Variants in FRMPD4 observed in about 807,000 individuals in gnomAD.
FRMPD4 encodes the protein FERM and PDZ domain-containing protein 4.
Under a neutral mutation model 94.1 loss-of-function variants are expected in FRMPD4, and 22 were observed. The ratio of observed to expected loss-of-function variants is 0.23; its 90% CI spans 0.17 to 0.33. The LOEUF is 0.33. Ranked by LOEUF, FRMPD4 falls within the 10% of genes least tolerant of loss-of-function variation. FRMPD4 has a pLI of 1.00. For synonymous variants in FRMPD4, 631 were observed against 548.6 expected, an observed-to-expected ratio of 1.15 and a Z score of -2.10; for missense variants, 1,111 against 1,339.9, an observed-to-expected ratio of 0.83 and a Z score of 2.67.
At chrX:11,853,203 A>G (rs1326558536) in intron 1 of FRMPD4, among the ~76,000 whole-genome samples, 1 of 112,092 alleles carries the variant, frequency 8.9e-6, no homozygotes, top group Non-Finnish European at 1.9e-5. Context: ...ACTAATGAGA[A>G]AAAAGATACA....
intron 1 of FRMPD4, among the ~76,000 whole-genome samples, chrX:12,389,695 G>T (rs900431188): frequency 9.0e-6 from 1 of 111,551 alleles, no homozygotes; most frequent in Non-Finnish European, 1.9e-5. Context: ...TGAATGTATA[G>T]AAGAGTTTAC....
intron 5 of FRMPD4, among the ~76,000 whole-genome samples, chrX:12,675,181 TA>T (rs2059885898): frequency 1.8e-5 from 2 of 112,227 alleles, no homozygotes; most frequent in Admixed American, 1.9e-4. Context: ...TAAATGACAC[TA>T]AATTCAAGAC....
chrX:12,415,381 A>G (rs2148073506), intron 1 of FRMPD4, among the ~76,000 whole-genome samples: 1 of 110,953 alleles, frequency 9.0e-6, no homozygotes, highest in African/African-American at 3.3e-5. Flanking sequence ...TCCTCCATCC[A>G]TCCTCTCCTC....
intron 2 of FRMPD4, among the ~76,000 whole-genome samples, chrX:12,540,385 A>G (rs2148307692): frequency 8.9e-6 from 1 of 111,976 alleles, no homozygotes; most frequent in South Asian, 3.8e-4. Context: ...AAATAAAGGG[A>G]TGGAGGAAGA....
At chrX:12,334,391 C>G (rs1217613852) in intron 1 of FRMPD4, among the ~76,000 whole-genome samples, 1 of 111,424 alleles carries the variant, frequency 9.0e-6, no homozygotes, top group African/African-American at 3.3e-5. Context: ...ACCTCAATAA[C>G]CTGCCTCAAT....
At chrX:12,212,633 T>C (rs1339119058) in intron 1 of FRMPD4, among the ~76,000 whole-genome samples, 1 of 111,914 alleles carries the variant, frequency 8.9e-6, no homozygotes, top group Non-Finnish European at 1.9e-5. Context: ...CAAATCTGTA[T>C]AGCTAATCTA....
rs1165797571 is a variant in FRMPD4, at chrX:12,035,870, A to G, written c.95+157852A>G. On this transcript the variant is annotated intron_variant, in intron 3 of 18. Transcript: ENST00000640291. The stretch of plus-strand genomic sequence containing the variant: ...CCTTGAAATGATAGGCACATATGAT[A>G]GCTTCTGGAAGTATGCATAGTAATT... Among the ~76,000 whole-genome samples, 10 of 112,098 alleles carry G rather than the reference A, an allele frequency of 8.9e-5. No individual in the cohort carries two copies. In the East Asian group the frequency reaches 2.2e-3, roughly 25 times the overall value.
intron 1 of FRMPD4, among the ~76,000 whole-genome samples, chrX:12,250,046 CTCTGTG>C (rs1353908278): frequency 3.9e-4 from 27 of 68,884 alleles, no homozygotes; most frequent in Non-Finnish European, 6.5e-4. Context: ...CTCTCTCTCT[CTCTGTG>C]TGTGTGTGTG....
chrX:12,386,365 T>G (rs1204741202), intron 1 of FRMPD4, among the ~76,000 whole-genome samples: 1 of 111,784 alleles, frequency 8.9e-6, no homozygotes. Flanking sequence ...CAGAGGAAAA[T>G]TTATGAGCAG....
chrX:11,840,813 A>C (rs902893548), intron 1 of FRMPD4, among the ~76,000 whole-genome samples: 3 of 107,468 alleles, frequency 2.8e-5, no homozygotes, highest in African/African-American at 1.0e-4. Flanking sequence ...ATACATATGT[A>C]TACATGTGCC....
chrX:12,387,707 T>TG (rs1251602919), intron 1 of FRMPD4, among the ~76,000 whole-genome samples: 283 of 110,251 alleles, frequency 2.6e-3, no homozygotes, highest in African/African-American at 9.0e-3. Flanking sequence ...TTTGTTTGTT[T>TG]TTTTTTTTCC....
intron 1 of FRMPD4, among the ~76,000 whole-genome samples, chrX:12,158,332 C>T (rs1162259530): frequency 8.9e-6 from 1 of 112,096 alleles, no homozygotes; most frequent in Non-Finnish European, 1.9e-5. Flanking sequence ...ACTGTAGACA[C>T]ATTGGATCTT....
At chrX:12,217,139 GA>G (rs1848629134) in intron 1 of FRMPD4, among the ~76,000 whole-genome samples, 1 of 111,931 alleles carries the variant, frequency 8.9e-6, no homozygotes, top group African/African-American at 3.2e-5. Context: ...GACATTATTT[GA>G]AAATTGCAAG....
intron 1 of FRMPD4, among the ~76,000 whole-genome samples, chrX:12,467,739 G>A (rs2057464206): frequency 8.9e-6 from 1 of 112,175 alleles, no homozygotes; most frequent in Non-Finnish European, 1.9e-5. Context: ...GCAACATTAA[G>A]TTAATCTGTT....
intron 1 of FRMPD4, among the ~76,000 whole-genome samples, chrX:12,162,528 AT>A (rs751520567): frequency 8.9e-6 from 1 of 112,214 alleles, no homozygotes; most frequent in South Asian, 3.7e-4. Flanking sequence ...AAGCAGATGC[AT>A]TTTTTTATTG....
chrX:11,865,766 T>C (rs2147301090), intron 2 of FRMPD4, among the ~76,000 whole-genome samples: 1 of 111,798 alleles, frequency 8.9e-6, no homozygotes, highest in African/African-American at 3.2e-5. Flanking sequence ...AACCAGAACT[T>C]TCACACACTT....
At chrX:11,836,275 T>C (rs2053500659) in intron 1 of FRMPD4, among the ~76,000 whole-genome samples, 2 of 111,970 alleles carry the variant, frequency 1.8e-5, no homozygotes, top group East Asian at 2.8e-4. Flanking sequence ...CCAAAGCTAA[T>C]GTTTTGCCTG....
At chrX:12,349,851 G>A (rs979581158) in intron 1 of FRMPD4, among the ~76,000 whole-genome samples, 6 of 111,509 alleles carry the variant, frequency 5.4e-5, no homozygotes, top group Non-Finnish European at 9.4e-5. Context: ...TCATAGTCAG[G>A]AGTAAAAAGA....
chrX:11,923,231 G>T lies in FRMPD4; in HGVS notation c.95+45213G>T, dbSNP rs755901145. ...CTCCACTCCACTACCAACTCCTATT[G>T]CAGATGGAGCCTTGGTGGGCACAGA... On this transcript the variant is annotated intron_variant, in intron 3 of 18. Coordinates refer to the FRMPD4 transcript ENST00000640291. Among the ~76,000 whole-genome samples the T allele has an allele frequency of 2.7e-5, 3 of 112,962 alleles. No individual in the cohort carries two copies. The South Asian group carries it at 1.1e-3, about 41-fold the overall frequency.
Sources: allele counts gnomAD v4.1 joint callset (sites outside exome capture counted in the v4.1 genomes callset), GRCh38; gene constraint gnomAD v4.1.1; transcripts MANE v1.5; gene names NCBI Gene and HGNC (gene_info 2026-07-23, HGNC 2026-07-21).